Variants in GSK3B observed in about 807,000 individuals in gnomAD.
The protein encoded by GSK3B is glycogen synthase kinase 3 beta.
A neutral mutation model predicts 56.4 loss-of-function variants in GSK3B; 15 were observed. That is an observed-to-expected ratio of 0.27 (90% CI 0.18 to 0.41). GSK3B has a LOEUF of 0.41. Ranked by LOEUF, GSK3B falls within the 10% of genes least tolerant of loss-of-function variation. GSK3B has a pLI of 1.00. For synonymous variants in GSK3B, 181 were observed against 188.9 expected (o/e 0.96, Z 0.34); for missense variants, 300 against 513.4 (o/e 0.58, Z 4.02).
At chr3:119,895,458 C>T (rs181727677) in intron 7 of GSK3B, among the ~76,000 whole-genome samples, 2 of 152,258 alleles carry the variant, frequency 1.3e-5, no homozygotes, top group East Asian at 3.9e-4. Flanking sequence ...ACTGCTGGAT[C>T]ATACTGTAAT....
At chr3:119,964,868 A>AT (rs2057304701) in intron 2 of GSK3B, among the ~76,000 whole-genome samples, 2 of 152,160 alleles carry the variant, frequency 1.3e-5, no homozygotes, top group Admixed American at 6.5e-5. Context: ...ATGAGCACAC[A>AT]TATTTGTCCA....
chr3:119,862,048 T>C (rs1459710812), intron 9 of GSK3B, among the ~76,000 whole-genome samples: 1 of 151,700 alleles, frequency 6.6e-6, no homozygotes, highest in Non-Finnish European at 1.5e-5. Context: ...TCTAATGTGC[T>C]GGGCAAACAT....
intron 7 of GSK3B, among the ~76,000 whole-genome samples, chr3:119,889,472 T>C (rs1227584231): frequency 6.6e-6 from 1 of 152,152 alleles, no homozygotes; most frequent in Non-Finnish European, 1.5e-5. Context: ...CTATATGACA[T>C]GGTACATTAC....
chr3:119,966,253 T>C (rs1020334996), intron 2 of GSK3B, among the ~76,000 whole-genome samples: 2 of 152,190 alleles, frequency 1.3e-5, no homozygotes, highest in Non-Finnish European at 2.9e-5. Context: ...AAGTAGCTTA[T>C]TCAGATAAAT....
intron 1 of GSK3B, among the ~76,000 whole-genome samples, chr3:120,032,476 G>GAAAA (rs200788694): frequency 7.0e-6 from 1 of 142,968 alleles, no homozygotes; most frequent in South Asian, 2.2e-4. Context: ...CTCCGTCTCG[G>GAAAA]AAAAAAAAAA....
At chr3:119,942,194 A>T (rs186233617) in intron 3 of GSK3B, among the ~76,000 whole-genome samples, 1 of 152,354 alleles carries the variant, frequency 6.6e-6, no homozygotes, top group African/African-American at 2.4e-5. Flanking sequence ...CAAGGAAAAA[A>T]ACTTTTAAAT....
chr3:119,944,356 A>T lies in GSK3B; in HGVS notation c.366+2912T>A, dbSNP rs73854748. ...ACCTGGATCTCACCTAAACGTCAAAAGAAACCTCAAAAAGAAAACTGAAAC... is the reference window on the plus strand; with the variant it reads ...ACCTGGATCTCACCTAAACGTCAAATGAAACCTCAAAAAGAAAACTGAAAC... On this transcript the variant is annotated intron_variant, in intron 3 of 10. Coordinates refer to ENST00000264235, the MANE Select transcript of GSK3B (RefSeq NM_001146156.2). Among the ~76,000 whole-genome samples the T allele has an allele frequency of 4.9e-3, 747 of 152,238 alleles. 3 individuals are homozygous for T. The highest frequency in any genetic ancestry group is 0.017 in the African/African-American group (701 of 41,514).
rs568113599 is a variant in GSK3B, at chr3:119,958,933, C to T, written c.283-11582G>A. ...CTCCTTACTCAGGAGAAACTAGAAA[C>T]GGGGGCATCAGCCTATATATCCCCT... On this transcript the variant is annotated intron_variant, in intron 2 of 10. Coordinates refer to ENST00000264235, the MANE Select transcript of GSK3B (RefSeq NM_001146156.2). 4.6e-5 allele frequency among the ~76,000 whole-genome samples: 7 copies of T among 152,072 alleles called. No individual in the cohort carries two copies. In the East Asian group the frequency reaches 5.8e-4, roughly 13 times the overall value.
chr3:120,011,939 C>T (rs2057782026), intron 1 of GSK3B, among the ~76,000 whole-genome samples: 1 of 152,100 alleles, frequency 6.6e-6, no homozygotes, highest in African/African-American at 2.4e-5. Flanking sequence ...ATTTTAAAAC[C>T]TTCCCACTAC....
Position 119,954,783 on chromosome 3 carries a change from A to C in GSK3B, c.283-7432T>G, listed in dbSNP as rs563143664. Among the ~76,000 whole-genome samples, 736 of 152,316 alleles carry C rather than the reference A, an allele frequency of 4.8e-3. 11 individuals are homozygous for C. The highest frequency in any genetic ancestry group is 0.017 in the African/African-American group (716 of 41,594). Reference sequence around the variant, plus strand: ...ACAATATCTGACATCTCATGCTTTAAAAAGAGAGAGAAAAGAGAAAGAAAA... The same window carrying C: ...ACAATATCTGACATCTCATGCTTTACAAAGAGAGAGAAAAGAGAAAGAAAA... On this transcript the variant is annotated intron_variant, in intron 2 of 10. Coordinates refer to ENST00000264235, the MANE Select transcript of GSK3B (RefSeq NM_001146156.2).
chr3:119,993,527 A>C (rs773901444), intron 2 of GSK3B, among the ~76,000 whole-genome samples: 18 of 152,196 alleles, frequency 1.2e-4, no homozygotes, highest in Non-Finnish European at 2.6e-4. Context: ...AAAGATAAAA[A>C]ACATAAACAG....
chr3:119,996,008 G>A (rs2057613713), intron 2 of GSK3B, among the ~76,000 whole-genome samples: 2 of 152,162 alleles, frequency 1.3e-5, no homozygotes, highest in Admixed American at 6.5e-5. Flanking sequence ...GAAGTGCTGG[G>A]ATTACAAGCG....
At chr3:120,020,186 C>G (rs1217245025) in intron 1 of GSK3B, among the ~76,000 whole-genome samples, 1 of 152,122 alleles carries the variant, frequency 6.6e-6, no homozygotes, top group Non-Finnish European at 1.5e-5. Context: ...CAGGTAATAA[C>G]TACGAGTTTT....
At chr3:120,088,082 C>T (rs188459833) in intron 1 of GSK3B, among the ~76,000 whole-genome samples, 42 of 152,240 alleles carry the variant, frequency 2.8e-4, no homozygotes, top group Admixed American at 5.9e-4. Flanking sequence ...TTAGTAGAGA[C>T]GGGGTTTCCC....
intron 10 of GSK3B, among the ~76,000 whole-genome samples, chr3:119,829,777 T>A (rs1252839886): frequency 6.6e-6 from 1 of 152,166 alleles, no homozygotes; most frequent in African/African-American, 2.4e-5. Flanking sequence ...AGAAACAAAT[T>A]CACTTTCTGA....
In GSK3B at chr3:120,070,316, C is replaced by T. The variant is rs973339002; in HGVS notation, c.88+23031G>A. On this transcript the variant is annotated intron_variant, in intron 1 of 10. Coordinates refer to ENST00000264235, the MANE Select transcript of GSK3B (RefSeq NM_001146156.2). ...AGGATATAGAAAGGTAACAACCCAACCTAAGCCTTATTATTGTTATTACTG... is the reference window on the plus strand; with the variant it reads ...AGGATATAGAAAGGTAACAACCCAATCTAAGCCTTATTATTGTTATTACTG... Among the ~76,000 whole-genome samples, 11 of 151,230 alleles carry T rather than the reference C, an allele frequency of 7.3e-5. No homozygotes were observed. The East Asian group carries it at 1.5e-3, about 21-fold the overall frequency.
intron 8 of GSK3B, among the ~76,000 whole-genome samples, chr3:119,876,109 A>C (rs2056310529): frequency 6.6e-6 from 1 of 152,130 alleles, no homozygotes; most frequent in African/African-American, 2.4e-5. Flanking sequence ...TAAACTTCTG[A>C]ATTTTAGGTT....
intron 3 of GSK3B, 24 bp downstream of exon 3, chr3:119,947,244 G>C (rs200621835): frequency 1.2e-5 from 15 of 1,233,816 alleles, no homozygotes; most frequent in African/African-American, 3.0e-5. Context: ...ACAATATTCA[G>C]TACACACTTT....
chr3:120,032,979 A>C (rs2057990782), intron 1 of GSK3B, among the ~76,000 whole-genome samples: 1 of 152,178 alleles, frequency 6.6e-6, no homozygotes, highest in Admixed American at 6.5e-5. Flanking sequence ...TTACCCCAAA[A>C]AGAAACACTG....
Sources: allele counts gnomAD v4.1 joint callset (sites outside exome capture counted in the v4.1 genomes callset), GRCh38; gene constraint gnomAD v4.1.1; transcripts MANE v1.5; gene names NCBI Gene and HGNC (gene_info 2026-07-23, HGNC 2026-07-21).